Variants in CHAF1A observed in about 807,000 individuals in gnomAD.
The protein encoded by CHAF1A is chromatin assembly factor 1 subunit A, also known as CAF-1 subunit A.
A neutral mutation model predicts 93.2 loss-of-function variants in CHAF1A; 5 were observed. That is an observed-to-expected ratio of 0.05 (90% CI 0.03 to 0.11). CHAF1A has a LOEUF of 0.11. CHAF1A is among the 10% of genes least tolerant of loss of function. CHAF1A has a pLI of 1.00. For synonymous variants in CHAF1A, 504 were observed against 510.3 expected (o/e 0.99, Z 0.17); for missense variants, 1,102 against 1,259.9 (o/e 0.87, Z 1.90).
downstream of CHAF1A, chr19:4,447,656 C>T (rs570285035): frequency 5.6e-5 from 90 of 1,611,664 alleles, no homozygotes; most frequent in Non-Finnish European, 6.7e-5. Flanking sequence ...GAGTGGGGCA[C>T]AGCCCAGGCT....
rs561204058 is a variant in CHAF1A at position 4,442,782 on chromosome 19, C to T, written c.2771-143C>T. 2.4e-3 allele frequency: 1,488 copies of T among 621,090 alleles called. 1 individual carries two copies. The highest frequency in any genetic ancestry group is 3.3e-3 in the Non-Finnish European group (1,207 of 361,590). The allele number at this position is 621,090 out of a possible 1,614,324, so 38.5% of individuals were successfully genotyped here. A position where few individuals can be genotyped will look rare whatever the true frequency, so the allele number is the denominator to read the frequency against. Reference sequence around the variant, plus strand: ...TCACCTCTAGAAGAGGCACAACGCCCCAGCCTCTGCCTGTCCCCACTGTCA... The same window carrying T: ...TCACCTCTAGAAGAGGCACAACGCCTCAGCCTCTGCCTGTCCCCACTGTCA... On this transcript the variant is annotated intron_variant, in intron 14 of 14. Transcript: ENST00000301280.
intron 13 of CHAF1A, among the ~76,000 whole-genome samples, chr19:4,438,398 G>C (rs572204233): frequency 1.3e-5 from 2 of 151,902 alleles, no homozygotes; most frequent in African/African-American, 2.4e-5. Context: ...GGGTCCTGCT[G>C]TGTTGCCCAG....
intron 3 of CHAF1A, 114 bp downstream of exon 3, chr19:4,409,873 G>T: frequency 8.0e-7 from 1 of 1,249,966 alleles, no homozygotes; most frequent in South Asian, 1.5e-5. Flanking sequence ...GCCACGGGCT[G>T]GGTCCTGGGA....
At chr19:4,448,502 G>T (rs888965155), downstream of CHAF1A, 3 of 1,137,608 alleles carry the variant, frequency 2.6e-6, no homozygotes, top group African/African-American at 1.5e-5. Context: ...GCAGGAAAAG[G>T]AAGGCAGAAC....
chr19:4,427,464 G>A (rs1247045942), intron 7 of CHAF1A, among the ~76,000 whole-genome samples: 1 of 135,018 alleles, frequency 7.4e-6, no homozygotes, highest in African/African-American at 2.8e-5. Flanking sequence ...CCAGGCTAGA[G>A]TACAGTGGCG....
At chr19:4,420,678 G>A (rs372614324) in intron 4 of CHAF1A, among the ~76,000 whole-genome samples, 3 of 151,350 alleles carry the variant, frequency 2.0e-5, no homozygotes, top group African/African-American at 2.4e-5. Flanking sequence ...GTAGTGGCTC[G>A]CCCCCATAAT....
chr19:4,437,101 G>A (rs1365490956), intron 13 of CHAF1A, among the ~76,000 whole-genome samples: 1 of 152,194 alleles, frequency 6.6e-6, no homozygotes, highest in African/African-American at 2.4e-5. Flanking sequence ...GCGTGGCACA[G>A]GTGAGGGCCT....
intron 13 of CHAF1A, among the ~76,000 whole-genome samples, chr19:4,437,498 G>A (rs1029581452): frequency 2.0e-5 from 3 of 152,158 alleles, no homozygotes; most frequent in African/African-American, 7.2e-5. Context: ...ATAGAGGCAC[G>A]TGCCACCATG....
intron 13 of CHAF1A, among the ~76,000 whole-genome samples, chr19:4,440,999 TAAA>T (rs71166997): frequency 1.5e-5 from 2 of 132,700 alleles, no homozygotes; most frequent in East Asian, 2.1e-4. Context: ...GGGCACCTGT[TAAA>T]AAAAAAAAAA....
Position 4,433,801 on chromosome 19 carries a change from C to T in CHAF1A, c.2673+262C>T, listed in dbSNP as rs1372788508. Among the ~76,000 whole-genome samples, 1 of 151,964 alleles carries T rather than the reference C, an allele frequency of 6.6e-6. No individual in the cohort carries two copies. Among genetic ancestry groups the T allele is most frequent in the Non-Finnish European group, 1.5e-5 (1 of 67,990 alleles). ...ATTTTTAGTAGAGACGGGGTTTCAC[C>T]ATGTTGGTCAGGCTGGTCTCGAACT... On this transcript the variant is annotated intron_variant, in intron 13 of 14. Transcript: ENST00000301280. This position sits in a 1 kb window ranked among gnomAD's most constrained non-coding sequence, Gnocchi z 5.6.
chr19:4,433,095 G>A lies in CHAF1A; in HGVS notation c.2229G>A (p.Leu743=), dbSNP rs1234403091. Residue 743 remains leucine (L), a synonymous_variant, in exon 13 of 15, where the codon CTG becomes CTA. Transcript: ENST00000301280. This position sits in a 1 kb window ranked among gnomAD's most constrained non-coding sequence, Gnocchi z 5.6. The part of the protein sequence containing the change: ...EQILAQLLPL[L]HGNVNGSKVI... ...TCCTGGCCCAGCTGCTGCCGCTCCTGCACGGCAATGTGAACGGGAGCAAGG... is the reference window on the plus strand; with the variant it reads ...TCCTGGCCCAGCTGCTGCCGCTCCTACACGGCAATGTGAACGGGAGCAAGG... 1.3e-6 allele frequency: 2 copies of A among 1,593,938 alleles called. No homozygotes were observed. Among genetic ancestry groups the A allele is most frequent in the Non-Finnish European group, 1.7e-6 (2 of 1,165,638 alleles).
chr19:4,413,694 G>T (rs923821865), intron 3 of CHAF1A, among the ~76,000 whole-genome samples: 1 of 152,192 alleles, frequency 6.6e-6, no homozygotes, highest in Admixed American at 6.5e-5. Context: ...AAAAGAAAAT[G>T]GGAGTTTGTT....
chr19:4,409,250 C>A lies in CHAF1A; in HGVS notation c.451C>A (p.Arg151=), dbSNP rs1245147951. ...CTCCAGGGAGGCAATAAATGGCCAG[C>A]GAGAAGACACTGGGGATCAGCAGGG... ...SPSREAINGQ[R]EDTGDQQGLL... Residue 151 remains arginine (R), a synonymous_variant, in exon 3 of 15, where the codon CGA becomes AGA. Coordinates refer to ENST00000301280, the MANE Select transcript of CHAF1A (RefSeq NM_005483.3). 4 of 1,614,084 alleles carry A rather than the reference C, an allele frequency of 2.5e-6. No homozygotes were observed. Among genetic ancestry groups the A allele is most frequent in the Non-Finnish European group, 3.4e-6 (4 of 1,180,030 alleles).
At chr19:4,413,276 TGGACAGGCTG>T (rs2145082431) in intron 3 of CHAF1A, among the ~76,000 whole-genome samples, 1 of 152,242 alleles carries the variant, frequency 6.6e-6, no homozygotes, top group East Asian at 1.9e-4. Context: ...TTCACCGTGT[TGGACAGGCTG>T]GTCTCGAACT....
downstream of CHAF1A, chr19:4,445,619 G>A: frequency 1.2e-6 from 2 of 1,612,902 alleles, no homozygotes; most frequent in East Asian, 2.2e-5. Context: ...GAGGGCAGAG[G>A]GCACCTGCGG....
chr19:4,412,697 A>G (rs984352146), intron 3 of CHAF1A, among the ~76,000 whole-genome samples: 3 of 152,248 alleles, frequency 2.0e-5, no homozygotes, highest in Non-Finnish European at 4.4e-5. Context: ...ACATGAACCC[A>G]GTGTGCAACA....
chr19:4,402,786 G>A lies in CHAF1A; in HGVS notation c.24G>A (p.Gly8=), dbSNP rs1331933726. The A allele has an allele frequency of 2.1e-5, 25 of 1,204,960 alleles. No individual in the cohort carries two copies. Among genetic ancestry groups the A allele is most frequent in the Non-Finnish European group, 2.6e-5 (25 of 970,720 alleles). The allele number at this position is 1,204,960 out of a possible 1,614,324, so 74.6% of individuals were successfully genotyped here. A position where few individuals can be genotyped will look rare whatever the true frequency, so the allele number is the denominator to read the frequency against. The change falls in exon 1 of 15, where the codon GGG becomes GGA. Residue 8 remains glycine (G), a synonymous_variant. Coordinates refer to ENST00000301280, the MANE Select transcript of CHAF1A (RefSeq NM_005483.3). ...CGATGCTGGAGGAGCTGGAGTGCGGGGCGCCCGGCGCCAGGGGAGCCGCCA... is the reference window on the plus strand; with the variant it reads ...CGATGCTGGAGGAGCTGGAGTGCGGAGCGCCCGGCGCCAGGGGAGCCGCCA... MLEELEC[G]APGARGAATA...
downstream of CHAF1A, chr19:4,447,822 G>A (rs1006319791): frequency 1.0e-5 from 6 of 597,758 alleles, no homozygotes; most frequent in African/African-American, 9.2e-5. Context: ...GCCCACCCCT[G>A]GTGCCAGCAG....
At chr19:4,405,566 C>T (rs1379448599) in intron 1 of CHAF1A, among the ~76,000 whole-genome samples, 3 of 151,482 alleles carry the variant, frequency 2.0e-5, no homozygotes, top group African/African-American at 7.3e-5. Flanking sequence ...TGAGACTGTG[C>T]CATTGCACTC....
Sources: gnomAD v4.1 joint callset for allele counts (sites outside exome capture counted in the v4.1 genomes callset) on GRCh38, gnomAD v4.1.1 for gene constraint, Gnocchi (gnomAD v3.1) non-coding constraint, MANE v1.5 for transcripts, NCBI Gene and HGNC (gene_info 2026-07-23, HGNC 2026-07-21) for gene names.